Variants in KCNIP4 observed in about 807,000 individuals in gnomAD.
KCNIP4 encodes the protein potassium voltage-gated channel interacting protein 4.
Under a neutral mutation model 34.0 loss-of-function variants are expected in KCNIP4, and 12 were observed. The ratio of observed to expected loss-of-function variants is 0.35; its 90% CI spans 0.23 to 0.57. The LOEUF (loss-of-function observed/expected upper bound fraction) is 0.57. Among genes scored for constraint, KCNIP4 ranks in the 20% least tolerant of loss-of-function variants. The probability of loss-of-function intolerance (pLI) is 0.83; values close to 1 mark genes in which losing one functional copy is unlikely to be tolerated. For synonymous variants in KCNIP4, 124 were observed against 102.2 expected (o/e 1.21, Z -1.29); for missense variants, 238 against 311.7 (o/e 0.76, Z 1.78).
At chr4:21,022,557 G>A (rs770329109) in intron 1 of KCNIP4, among the ~76,000 whole-genome samples, 2 of 152,188 alleles carry the variant, frequency 1.3e-5, no homozygotes, top group Non-Finnish European at 2.9e-5. Flanking sequence ...CTTAGCATGA[G>A]ATGAAAATCC....
At chr4:20,856,441 C>G (rs1178493512) in intron 2 of KCNIP4, among the ~76,000 whole-genome samples, 1 of 152,178 alleles carries the variant, frequency 6.6e-6, no homozygotes, top group Non-Finnish European at 1.5e-5. Context: ...CCCTGGTCAT[C>G]GTTCCCACAC....
At chr4:21,023,405 A>T (rs559065953) in intron 1 of KCNIP4, among the ~76,000 whole-genome samples, 2 of 152,278 alleles carry the variant, frequency 1.3e-5, no homozygotes, top group South Asian at 2.1e-4. Flanking sequence ...ATGGGGAAAA[A>T]TTTTTGTAAA....
intron 1 of KCNIP4, among the ~76,000 whole-genome samples, chr4:21,111,055 A>G (rs1184266474): frequency 1.3e-5 from 2 of 152,206 alleles, no homozygotes; most frequent in Non-Finnish European, 2.9e-5. Context: ...ACAATTTTAT[A>G]TTTTATATTC....
intron 3 of KCNIP4, among the ~76,000 whole-genome samples, chr4:20,786,547 T>C (rs1345253884): frequency 6.6e-6 from 1 of 152,180 alleles, no homozygotes; most frequent in Non-Finnish European, 1.5e-5. Flanking sequence ...AGCATAGTGT[T>C]GTAGTTAGCA....
Position 21,537,361 on chromosome 4 carries a change from C to T in KCNIP4, c.61+411210G>A, listed in dbSNP as rs533256484. Among the ~76,000 whole-genome samples the T allele has an allele frequency of 7.9e-5, 12 of 152,208 alleles. 1 individual carries two copies. The South Asian group carries it at 2.3e-3, about 29-fold the overall frequency. ...GTGGCGATGGGTGATGTTGCCACACCTCATCACTGCATGCCATTTAATACC... is the reference window on the plus strand; with the variant it reads ...GTGGCGATGGGTGATGTTGCCACACTTCATCACTGCATGCCATTTAATACC... On this transcript the variant is annotated intron_variant, in intron 1 of 8. Transcript: ENST00000382152.
chr4:21,721,958 G>T (rs536782642), intron 1 of KCNIP4, among the ~76,000 whole-genome samples: 1 of 152,274 alleles, frequency 6.6e-6, no homozygotes, highest in African/African-American at 2.4e-5. Flanking sequence ...TCTGAACACT[G>T]CCTGTGTGTA....
intron 1 of KCNIP4, among the ~76,000 whole-genome samples, chr4:21,372,049 A>G (rs1172051168): frequency 6.8e-6 from 1 of 147,318 alleles, no homozygotes; most frequent in Non-Finnish European, 1.5e-5. Context: ...TAGAAACAAA[A>G]TTTGGTGCTT....
At chr4:21,928,926 G>T (rs544339883) in intron 1 of KCNIP4, among the ~76,000 whole-genome samples, 8 of 151,994 alleles carry the variant, frequency 5.3e-5, no homozygotes, top group Admixed American at 6.6e-5. Flanking sequence ...TACAAACTGA[G>T]GGTATAAACA....
intron 1 of KCNIP4, among the ~76,000 whole-genome samples, chr4:21,075,527 G>A (rs941058719): frequency 5.3e-5 from 8 of 152,038 alleles, no homozygotes; most frequent in Non-Finnish European, 1.2e-4. Context: ...TTGAGCCTAT[G>A]TGTGTCTGTG....
At chr4:20,891,674 T>C (rs1003916790) in intron 1 of KCNIP4, among the ~76,000 whole-genome samples, 3 of 152,146 alleles carry the variant, frequency 2.0e-5, no homozygotes, top group African/African-American at 7.2e-5. Context: ...CTGTGTTCTT[T>C]GAGTCAGTGA....
chr4:21,071,768 A>C (rs921556807), intron 1 of KCNIP4, among the ~76,000 whole-genome samples: 4 of 152,042 alleles, frequency 2.6e-5, no homozygotes, highest in Non-Finnish European at 4.4e-5. Context: ...CATTGGGTAT[A>C]TCTCCTAATG....
chr4:21,666,559 T>A (rs1041865457), intron 1 of KCNIP4, among the ~76,000 whole-genome samples: 1 of 152,248 alleles, frequency 6.6e-6, no homozygotes, highest in Non-Finnish European at 1.5e-5. Context: ...AAAGTTAATA[T>A]TCTTCTGAAA....
intron 3 of KCNIP4, among the ~76,000 whole-genome samples, chr4:20,780,743 G>T (rs1179011672): frequency 6.6e-6 from 1 of 152,174 alleles, no homozygotes; most frequent in Admixed American, 6.5e-5. Context: ...TTAGCACGGA[G>T]AAAAGGTGAG....
chr4:21,882,110 G>A (rs1174425432), intron 1 of KCNIP4, among the ~76,000 whole-genome samples: 1 of 152,122 alleles, frequency 6.6e-6, no homozygotes, highest in African/African-American at 2.4e-5. Context: ...GTGCAATTAA[G>A]TATATTATGT....
At chr4:21,582,873 A>G (rs759466492) in intron 1 of KCNIP4, among the ~76,000 whole-genome samples, 1 of 151,932 alleles carries the variant, frequency 6.6e-6, no homozygotes, top group Non-Finnish European at 1.5e-5. Context: ...TCTTTTGGGA[A>G]GAATGAGAAG....
At chr4:21,337,519 G>T (rs898303476) in intron 1 of KCNIP4, among the ~76,000 whole-genome samples, 2 of 152,092 alleles carry the variant, frequency 1.3e-5, no homozygotes, top group Non-Finnish European at 2.9e-5. Context: ...ATTTTATCAG[G>T]TGGTTTAAAA....
At chr4:21,147,196 T>A (rs1752420715) in intron 1 of KCNIP4, among the ~76,000 whole-genome samples, 1 of 151,956 alleles carries the variant, frequency 6.6e-6, no homozygotes, top group African/African-American at 2.4e-5. Flanking sequence ...TAGGGTACAC[T>A]CCTTGACCAA....
intron 3 of KCNIP4, among the ~76,000 whole-genome samples, chr4:20,809,940 G>A (rs572690009): frequency 6.6e-6 from 1 of 152,282 alleles, no homozygotes; most frequent in African/African-American, 2.4e-5. Context: ...GTGCTGACAA[G>A]CATGCTGTTT....
chr4:21,200,222 C>G (rs1034929284), intron 1 of KCNIP4, among the ~76,000 whole-genome samples: 4 of 151,166 alleles, frequency 2.6e-5, no homozygotes, highest in Non-Finnish European at 4.4e-5. Flanking sequence ...ATTTTTATCA[C>G]AACACGATTC....
Sources: gnomAD v4.1 joint callset for allele counts (sites outside exome capture counted in the v4.1 genomes callset) on GRCh38, gnomAD v4.1.1 for gene constraint, MANE v1.5 for transcripts, NCBI Gene and HGNC (gene_info 2026-07-23, HGNC 2026-07-21) for gene names.